The following ADAM28 variants were observed in gnomAD, a reference collection of about 807,000 sequenced individuals.
ADAM28 encodes ADAM metallopeptidase domain 28, also known as disintegrin and metalloproteinase domain-containing protein 28.
ADAM28 carries 105 observed loss-of-function variants against 101.2 expected under a neutral mutation model. That is an observed-to-expected ratio of 1.04 (90% CI 0.89 to 1.22). The LOEUF is 1.22. Ranked by LOEUF, ADAM28 falls within the 50% of genes most tolerant of loss-of-function variation. The pLI is 0.00. For missense variants in ADAM28, 1,028 were observed against 945.4 expected, an observed-to-expected ratio of 1.09 and a Z score of -1.15; for synonymous variants, 322 against 310.6, an observed-to-expected ratio of 1.04 and a Z score of -0.39.
chr8:24,332,939 G>C (rs572862175), intron 13 of ADAM28, among the ~76,000 whole-genome samples, 190 bp downstream of exon 13: 2 of 152,106 alleles, frequency 1.3e-5, no homozygotes, highest in South Asian at 4.1e-4. Context: ...ATCCTTCACA[G>C]TAGATATTAT....
At position 24,330,218 on chromosome 8, in the gene ADAM28, G is replaced by A. The variant is rs982804088; in HGVS notation, c.1103+103G>A. The A allele has an allele frequency of 3.8e-5, 54 of 1,408,988 alleles. No homozygotes were observed. The African/African-American group carries it at 6.5e-4, about 17-fold the overall frequency. The allele number at this position is 1,408,988 out of a possible 1,614,324, so 87.3% of individuals were successfully genotyped here. On this transcript the variant is annotated intron_variant, in intron 11 of 22. Transcript: ENST00000265769. ...TCTTCAACAACGTGTTCGAGTTTTT[G>A]AGTCACTAAATGTGCATTTGTGCCA...
chr8:24,354,148 C>T (rs1435552021), intron 22 of ADAM28, among the ~76,000 whole-genome samples: 1 of 152,030 alleles, frequency 6.6e-6, no homozygotes, highest in Non-Finnish European at 1.5e-5. Flanking sequence ...TTCTGGTCCC[C>T]TACCTTCTCC....
In ADAM28 at chr8:24,356,432, T is replaced by C. The variant is rs1371475322; in HGVS notation, c.*2028T>C. ...CCATACACTCTCAAAAGCAGTGGCATGTGAACATGCCTGCAAGTTCCTAAA... is the reference window on the plus strand; with the variant it reads ...CCATACACTCTCAAAAGCAGTGGCACGTGAACATGCCTGCAAGTTCCTAAA... On this transcript the variant is annotated 3_prime_UTR_variant, in exon 23 of 23. Transcript: ENST00000265769. 1 of 152,220 alleles carries C rather than the reference T, an allele frequency of 6.6e-6. No homozygotes were observed. Among genetic ancestry groups the C allele is most frequent in the Admixed American group, 6.5e-5 (1 of 15,270 alleles). 9.4% of individuals were successfully genotyped at this position (152,220 alleles called of 1,614,324 possible).
At chr8:24,295,358 G>C (rs1237442273) in intron 1 of ADAM28, among the ~76,000 whole-genome samples, 3 of 152,052 alleles carry the variant, frequency 2.0e-5, no homozygotes, top group African/African-American at 7.3e-5. Flanking sequence ...TGTTACACCA[G>C]CTTTCTTTTG....
chr8:24,330,311 T>C (rs1813207967), intron 11 of ADAM28, among the ~76,000 whole-genome samples, 196 bp downstream of exon 11: 1 of 152,192 alleles, frequency 6.6e-6, no homozygotes, highest in Non-Finnish European at 1.5e-5. Context: ...GTCTCTTTGC[T>C]GATGGGGCAA....
rs1350624290 is a variant in ADAM28 at position 24,357,703 on chromosome 8, C to A, written c.*3299C>A. On this transcript the variant is annotated 3_prime_UTR_variant, in exon 23 of 23. Coordinates refer to ENST00000265769, the MANE Select transcript of ADAM28 (RefSeq NM_014265.6). Reference sequence around the variant, plus strand: ...GCCAAACCATATAATGTTTTAAATGCTCCAGATAGGTTTAGGTAAAATTAA... The same window carrying A: ...GCCAAACCATATAATGTTTTAAATGATCCAGATAGGTTTAGGTAAAATTAA... 6 of 152,108 alleles carry A rather than the reference C, an allele frequency of 3.9e-5. No homozygotes were observed. The highest frequency in any genetic ancestry group is 5.9e-5 in the Non-Finnish European group (4 of 68,008). The allele number at this position is 152,108 out of a possible 1,614,324, so 9.4% of individuals were successfully genotyped here. A position where few individuals can be genotyped will look rare whatever the true frequency, so the allele number is the denominator to read the frequency against.
intron 22 of ADAM28, 128 bp from the exon 23 acceptor site, chr8:24,354,256 G>T (rs1816515079): frequency 5.1e-6 from 4 of 787,582 alleles, no homozygotes; most frequent in South Asian, 5.0e-5. Flanking sequence ...CGTTTTTGCT[G>T]TATCAAGTGA....
intron 14 of ADAM28, among the ~76,000 whole-genome samples, chr8:24,338,804 G>C (rs576560465): frequency 6.6e-6 from 1 of 152,182 alleles, no homozygotes; most frequent in South Asian, 2.1e-4. Flanking sequence ...TCTGTGACTT[G>C]ATAGGATTCT....
At chr8:24,345,206 C>CT (rs2129332536) in intron 18 of ADAM28, among the ~76,000 whole-genome samples, 1 of 151,968 alleles carries the variant, frequency 6.6e-6, no homozygotes, top group East Asian at 1.9e-4. Flanking sequence ...AAGATGTTAC[C>CT]TAGTGAGTTT....
chr8:24,335,718 A>G, intron 14 of ADAM28, 77 bp downstream of exon 14: 3 of 1,444,258 alleles, frequency 2.1e-6, no homozygotes, highest in Non-Finnish European at 2.7e-6. Flanking sequence ...CCATGGTCAA[A>G]GGACCATTCT....
intron 6 of ADAM28, among the ~76,000 whole-genome samples, chr8:24,317,146 C>T (rs1224978709): frequency 6.6e-6 from 1 of 151,824 alleles, no homozygotes; most frequent in Non-Finnish European, 1.5e-5. Flanking sequence ...AGATTCAATG[C>T]AGTCCTTATA....
At chr8:24,333,319 G>A (rs1813609469) in intron 13 of ADAM28, among the ~76,000 whole-genome samples, 2 of 152,180 alleles carry the variant, frequency 1.3e-5, no homozygotes, top group South Asian at 4.1e-4. Flanking sequence ...TAGATTTTAA[G>A]TGTTCTCACC....
chr8:24,329,134 A>G (rs1024369808), intron 10 of ADAM28, among the ~76,000 whole-genome samples: 2 of 152,080 alleles, frequency 1.3e-5, no homozygotes, highest in African/African-American at 4.8e-5. Flanking sequence ...GGAGCACTCC[A>G]TATTTCTATA....
chr8:24,347,927 A>G (rs1204457315), intron 18 of ADAM28, among the ~76,000 whole-genome samples: 1 of 151,634 alleles, frequency 6.6e-6, no homozygotes, highest in African/African-American at 2.4e-5. Flanking sequence ...TTTTTCTTTT[A>G]TTAAAGAAAG....
chr8:24,354,367 A>G lies in ADAM28; in HGVS notation c.2308-17A>G. 6.9e-7 allele frequency: 1 copy of G among 1,448,746 alleles called. No homozygotes were observed. Among genetic ancestry groups the G allele is most frequent in the Non-Finnish European group, 9.1e-7 (1 of 1,100,256 alleles). 89.7% of individuals were successfully genotyped at this position (1,448,746 alleles called of 1,614,324 possible). On this transcript the variant is annotated splice_polypyrimidine_tract_variant and intron_variant, in intron 22 of 22. Coordinates refer to ENST00000265769, the MANE Select transcript of ADAM28 (RefSeq NM_014265.6). ...TTTTGAAGAAAGTTGATCATTTAGA[A>G]GTTATGTCTTTTTTAGGACTCAAAT...
rs987783553 is a variant in ADAM28, at chr8:24,294,293, C to A, written c.46+98C>A. 2.8e-6 allele frequency: 4 copies of A among 1,424,524 alleles called. No individual in the cohort carries two copies. The African/African-American group carries it at 5.7e-5, about 20-fold the overall frequency. The allele number at this position is 1,424,524 out of a possible 1,614,324, so 88.2% of individuals were successfully genotyped here. On this transcript the variant is annotated intron_variant, in intron 1 of 22. Coordinates refer to ENST00000265769, the MANE Select transcript of ADAM28 (RefSeq NM_014265.6). ...TTGTATAAACTATTTTGACTTTTTTCTTTTTCTTTTTTCTCAATCAATCTT... is the reference window on the plus strand; with the variant it reads ...TTGTATAAACTATTTTGACTTTTTTATTTTTCTTTTTTCTCAATCAATCTT...
intron 5 of ADAM28, 80 bp from the exon 6 acceptor site, chr8:24,313,308 C>A: frequency 7.6e-7 from 1 of 1,312,780 alleles, no homozygotes; most frequent in Non-Finnish European, 1.0e-6. Context: ...TTTTAAAGGT[C>A]CTCTTTTGGA....
intron 18 of ADAM28, among the ~76,000 whole-genome samples, chr8:24,344,120 C>T (rs968221140): frequency 6.6e-6 from 1 of 152,096 alleles, no homozygotes; most frequent in Non-Finnish European, 1.5e-5. Context: ...TGCTGTTGTA[C>T]CTACTGATAT....
At chr8:24,352,229 T>C (rs973183795) in intron 21 of ADAM28, among the ~76,000 whole-genome samples, 177 bp downstream of exon 21, 2 of 152,240 alleles carry the variant, frequency 1.3e-5, no homozygotes, top group African/African-American at 2.4e-5. Flanking sequence ...AAAATGAACA[T>C]GTATGTCACT....
Sources: allele counts gnomAD v4.1 joint callset (sites outside exome capture counted in the v4.1 genomes callset), GRCh38; gene constraint gnomAD v4.1.1; transcripts MANE v1.5; gene names NCBI Gene and HGNC (gene_info 2026-07-23, HGNC 2026-07-21).